The following EPHA5 variants were observed in gnomAD, a reference collection of about 807,000 sequenced individuals.
The protein encoded by EPHA5 is ephrin type-A receptor 5.
In EPHA5, 60 loss-of-function variants were observed where a neutral mutation model predicts 105.0. The observed-to-expected ratio is 0.57, with a 90% CI of 0.46 to 0.71. The LOEUF (loss-of-function observed/expected upper bound fraction) is 0.71. EPHA5 is among the 30% of genes least tolerant of loss of function. EPHA5 has a pLI of 0.00. For missense variants in EPHA5, 1,218 were observed against 1,274.7 expected, an observed-to-expected ratio of 0.96 and a Z score of 0.68; for synonymous variants, 513 against 449.1, an observed-to-expected ratio of 1.14 and a Z score of -1.80.
chr4:65,422,265 A>G (rs1724015203), intron 5 of EPHA5, among the ~76,000 whole-genome samples: 1 of 152,052 alleles, frequency 6.6e-6, no homozygotes, highest in African/African-American at 2.4e-5. Flanking sequence ...AAAGCTGATG[A>G]AAGTGGGGAT....
At chr4:65,363,989 G>A (rs986228936) in intron 11 of EPHA5, among the ~76,000 whole-genome samples, 2 of 151,132 alleles carry the variant, frequency 1.3e-5, no homozygotes, top group African/African-American at 4.9e-5. Context: ...CCTGCCTCTT[G>A]ATCCTGCCTC....
At chr4:65,358,862 C>G (rs1018371345) in intron 11 of EPHA5, among the ~76,000 whole-genome samples, 2 of 151,468 alleles carry the variant, frequency 1.3e-5, no homozygotes, top group African/African-American at 4.8e-5. Context: ...AAAATATCCT[C>G]TTTATTTCGG....
At chr4:65,504,117 G>C (rs938786997) in intron 3 of EPHA5, among the ~76,000 whole-genome samples, 3 of 151,032 alleles carry the variant, frequency 2.0e-5, no homozygotes, top group African/African-American at 7.3e-5. Context: ...TTTTTATATT[G>C]TTACATCTAT....
chr4:65,604,022 A>G (rs1743984414), intron 2 of EPHA5, among the ~76,000 whole-genome samples: 1 of 7,026 alleles, frequency 1.4e-4, no homozygotes, highest in African/African-American at 2.7e-4. Flanking sequence ...AAGATTAAAT[A>G]TATATTTTTT....
intron 16 of EPHA5, among the ~76,000 whole-genome samples, chr4:65,330,053 T>A (rs1314704721): frequency 6.6e-6 from 1 of 151,356 alleles, no homozygotes; most frequent in African/African-American, 2.4e-5. Flanking sequence ...CTGGCCCAAT[T>A]ACTGGTAAGA....
chr4:65,510,310 G>A (rs111493764), intron 3 of EPHA5, among the ~76,000 whole-genome samples: 23,172 of 151,732 alleles, frequency 0.15, 1,875 homozygotes, highest in East Asian at 0.2. Context: ...CTCCCAAAGT[G>A]CTGGGATTAC....
intron 11 of EPHA5, among the ~76,000 whole-genome samples, chr4:65,359,822 G>A (rs750409680): frequency 2.0e-5 from 3 of 151,624 alleles, no homozygotes; most frequent in Admixed American, 6.6e-5. Context: ...TTCTGGTCCT[G>A]TTAATGTGTA....
chr4:65,467,779 G>A (rs941608540), intron 5 of EPHA5, among the ~76,000 whole-genome samples: 2 of 152,136 alleles, frequency 1.3e-5, no homozygotes, highest in Non-Finnish European at 2.9e-5. Flanking sequence ...TTGCTAATTA[G>A]CAGACAGGAA....
chr4:65,327,552 A>G (rs1387934318), intron 16 of EPHA5, among the ~76,000 whole-genome samples: 1 of 151,246 alleles, frequency 6.6e-6, no homozygotes, highest in Non-Finnish European at 1.5e-5. Flanking sequence ...TATCATTTCA[A>G]AAACTGTCAA....
intron 5 of EPHA5, among the ~76,000 whole-genome samples, chr4:65,439,953 T>C (rs760125341): frequency 1.2e-4 from 18 of 152,146 alleles, no homozygotes; most frequent in Non-Finnish European, 1.2e-4. Context: ...AATTATGTGG[T>C]ATTTTACTTA....
chr4:65,355,405 T>C (rs756738653), intron 11 of EPHA5, among the ~76,000 whole-genome samples: 4 of 151,656 alleles, frequency 2.6e-5, no homozygotes, highest in Non-Finnish European at 5.9e-5. Context: ...CATTCATGAA[T>C]AAAAAATGCT....
intron 2 of EPHA5, among the ~76,000 whole-genome samples, chr4:65,632,535 C>A (rs1440806580): frequency 6.4e-4 from 81 of 125,812 alleles, no homozygotes; most frequent in Admixed American, 1.1e-3. Flanking sequence ...CAATTTTCAG[C>A]AAAAAAAAAA....
intron 8 of EPHA5, among the ~76,000 whole-genome samples, chr4:65,382,810 A>G (rs1382584197): frequency 6.6e-6 from 1 of 151,714 alleles, no homozygotes; most frequent in African/African-American, 2.4e-5. Context: ...GTTGAGAAAC[A>G]CTGATCCAAG....
At chr4:65,614,751 G>A (rs1397704900) in intron 2 of EPHA5, among the ~76,000 whole-genome samples, 4 of 151,820 alleles carry the variant, frequency 2.6e-5, no homozygotes, top group Admixed American at 6.6e-5. Context: ...CTCCTGCTGG[G>A]AGTATATATT....
chr4:65,365,660 TATATATATATATATATATATATATATATA>T (rs1717814515), intron 10 of EPHA5, among the ~76,000 whole-genome samples: 1 of 81,746 alleles, frequency 1.2e-5, no homozygotes, highest in Admixed American at 1.2e-4. Flanking sequence ...TATATATATA[TATATATATATATATATATATATATATATA>T]GTGAAACATT....
At chr4:65,477,556 G>T (rs1299793688) in intron 5 of EPHA5, among the ~76,000 whole-genome samples, 1 of 151,992 alleles carries the variant, frequency 6.6e-6, no homozygotes, top group Non-Finnish European at 1.5e-5. Flanking sequence ...GGGATTACAG[G>T]TGTGCACCAC....
At chr4:65,611,896 G>C (rs1190993535) in intron 2 of EPHA5, among the ~76,000 whole-genome samples, 1 of 150,540 alleles carries the variant, frequency 6.6e-6, no homozygotes, top group African/African-American at 2.4e-5. Context: ...CAGTATTAAA[G>C]ACATTCTATA....
At chr4:65,437,694 G>A (rs902711573) in intron 5 of EPHA5, among the ~76,000 whole-genome samples, 1 of 151,848 alleles carries the variant, frequency 6.6e-6, no homozygotes, top group Non-Finnish European at 1.5e-5. Flanking sequence ...TGAATCTAGA[G>A]CACAACTTAA....
rs913394548 is a variant in EPHA5, at chr4:65,577,541, T to A, written c.910+24100A>T. ...TTAGAAACCAATACAGGAAAAACCA[T>A]TCCAAGTCAGTTCACTTACATAATT... is the stretch of plus-strand genomic sequence containing the variant. On this transcript the variant is annotated intron_variant, in intron 3 of 16. Transcript: ENST00000613740. Among the ~76,000 whole-genome samples the A allele has an allele frequency of 1.3e-5, 2 of 152,148 alleles. 1 individual carries two copies. Among genetic ancestry groups the A allele is most frequent in the Non-Finnish European group, 2.9e-5 (2 of 67,998 alleles).
Sources: gnomAD v4.1 joint callset for allele counts (sites outside exome capture counted in the v4.1 genomes callset) on GRCh38, gnomAD v4.1.1 for gene constraint, MANE v1.5 for transcripts, NCBI Gene and HGNC (gene_info 2026-07-23, HGNC 2026-07-21) for gene names.